GPR137C: variants seen among roughly 807,000 people sequenced by gnomAD.
GPR137C encodes the protein integral membrane protein GPR137C.
Under a neutral mutation model 43.4 loss-of-function variants are expected in GPR137C, and 27 were observed. The ratio of observed to expected loss-of-function variants is 0.62; its 90% CI spans 0.46 to 0.86. The LOEUF (loss-of-function observed/expected upper bound fraction) is 0.86. Among genes scored for constraint, GPR137C ranks in the 40% least tolerant of loss-of-function variants. GPR137C has a pLI of 0.00. For synonymous variants in GPR137C, 285 were observed against 226.9 expected (o/e 1.26, Z -2.30); for missense variants, 522 against 534.6 (o/e 0.98, Z 0.23).
chr14:52,602,197 A>G (rs1452347658), intron 3 of GPR137C, among the ~76,000 whole-genome samples: 2 of 151,852 alleles, frequency 1.3e-5, no homozygotes, highest in Non-Finnish European at 2.9e-5. Flanking sequence ...TATAATCACT[A>G]GACTCATTTT....
intron 1 of GPR137C, among the ~76,000 whole-genome samples, chr14:52,587,439 A>G (rs2038727408): frequency 6.6e-6 from 1 of 152,202 alleles, no homozygotes; most frequent in African/African-American, 2.4e-5. Context: ...GCACAGAGAT[A>G]TAAAATTGAA....
chr14:52,569,787 C>A (rs140558674), intron 1 of GPR137C, among the ~76,000 whole-genome samples: 1,559 of 151,874 alleles, frequency 0.01, 25 homozygotes, highest in African/African-American at 0.036. Context: ...AAATATGGGA[C>A]TATGTGAAAA....
intron 1 of GPR137C, among the ~76,000 whole-genome samples, chr14:52,594,113 G>A (rs2038819383): frequency 6.6e-6 from 1 of 152,180 alleles, no homozygotes; most frequent in African/African-American, 2.4e-5. Flanking sequence ...GGAGCAGGTT[G>A]TTCAATTTCC....
chr14:52,553,764 T>G (rs1343623337), intron 1 of GPR137C, among the ~76,000 whole-genome samples, 173 bp downstream of exon 1: 2 of 152,088 alleles, frequency 1.3e-5, no homozygotes, highest in East Asian at 1.9e-4. Context: ...GCCTTAAACT[T>G]AAGTGGCTGA....
chr14:52,614,592 A>T (rs60095895), intron 3 of GPR137C, among the ~76,000 whole-genome samples: 425 of 152,236 alleles, frequency 2.8e-3, no homozygotes, highest in African/African-American at 9.6e-3. Flanking sequence ...GGCCCAGGTG[A>T]TCCTCCTGCC....
At chr14:52,634,337 C>T (rs1341868493) in intron 6 of GPR137C, among the ~76,000 whole-genome samples, 1 of 152,040 alleles carries the variant, frequency 6.6e-6, no homozygotes, top group African/African-American at 2.4e-5. Context: ...GCTTAATTGC[C>T]ATAGGAAATG....
intron 3 of GPR137C, among the ~76,000 whole-genome samples, chr14:52,616,617 A>C (rs1055229145): frequency 1.6e-4 from 25 of 152,280 alleles, no homozygotes; most frequent in Admixed American, 4.6e-4. Flanking sequence ...CGTCTTCCAC[A>C]TGAAATTATA....
At chr14:52,573,263 A>G (rs1242054402) in intron 1 of GPR137C, among the ~76,000 whole-genome samples, 1 of 152,232 alleles carries the variant, frequency 6.6e-6, no homozygotes, top group Non-Finnish European at 1.5e-5. Flanking sequence ...CCATATAGCC[A>G]AGACAATCCT....
At chr14:52,634,695 T>G (rs2039332470) in intron 6 of GPR137C, among the ~76,000 whole-genome samples, 1 of 152,150 alleles carries the variant, frequency 6.6e-6, no homozygotes, top group Non-Finnish European at 1.5e-5. Flanking sequence ...GACAATCAAG[T>G]TCTACCAGTT....
chr14:52,575,747 G>T (rs1258907670), intron 1 of GPR137C, among the ~76,000 whole-genome samples: 1 of 152,142 alleles, frequency 6.6e-6, no homozygotes. Context: ...TAGGAGTCAG[G>T]ACATCTGGGT....
At chr14:52,618,550 T>G (rs1336212416) in intron 3 of GPR137C, among the ~76,000 whole-genome samples, 1 of 152,194 alleles carries the variant, frequency 6.6e-6, no homozygotes, top group African/African-American at 2.4e-5. Flanking sequence ...TTTTTGTTGC[T>G]GTTTGATTTG....
chr14:52,633,604 A>G lies in GPR137C; in HGVS notation c.942A>G (p.Pro314=), dbSNP rs2039318005. 1.9e-6 allele frequency: 3 copies of G among 1,613,224 alleles called. No individual in the cohort carries two copies. The East Asian group carries it at 6.7e-5, about 36-fold the overall frequency. ...GMVLFLWEHV[P]AWSVVLFFRA... is the part of the protein sequence containing the mutation. The stretch of plus-strand genomic sequence containing the variant: ...TCCTCTTTCTGTGGGAACATGTGCC[A>G]GCATGGTCGGTGGTACTGTTTTTCC... Residue 314 remains proline (P), a synonymous_variant, in exon 5 of 7, where the codon CCA becomes CCG. Transcript: ENST00000321662.
intron 1 of GPR137C, among the ~76,000 whole-genome samples, chr14:52,575,607 G>C (rs550430329): frequency 3.4e-4 from 52 of 152,136 alleles, no homozygotes; most frequent in Non-Finnish European, 6.0e-4. Context: ...GTGACATATA[G>C]GTGGAACATT....
At chr14:52,575,178 A>G (rs2038532130) in intron 1 of GPR137C, among the ~76,000 whole-genome samples, 1 of 152,100 alleles carries the variant, frequency 6.6e-6, no homozygotes, top group African/African-American at 2.4e-5. Flanking sequence ...AAGCTCACAA[A>G]TTTTTCTTCT....
chr14:52,595,428 C>T (rs2038841302), intron 1 of GPR137C, among the ~76,000 whole-genome samples: 1 of 151,100 alleles, frequency 6.6e-6, no homozygotes, highest in Non-Finnish European at 1.5e-5. Context: ...AACTTGGTTC[C>T]ATTCTCCCCA....
chr14:52,634,106 A>G lies in GPR137C; in HGVS notation c.1112+160A>G, dbSNP rs74050995. 8.8e-3 allele frequency among the ~76,000 whole-genome samples: 1,338 copies of G among 152,290 alleles called. 18 individuals carry two copies. The highest frequency in any genetic ancestry group is 0.031 in the African/African-American group (1,275 of 41,560). ...GTTTAAAGCAGTAGATGTTAAACCC[A>G]GGGTGGGACCTGCATTATCAGGAAC... On this transcript the variant is annotated intron_variant, in intron 6 of 6. Coordinates refer to ENST00000321662, the MANE Select transcript of GPR137C (RefSeq NM_001099652.2).
intron 3 of GPR137C, among the ~76,000 whole-genome samples, chr14:52,621,142 A>G (rs1290818106): frequency 6.6e-6 from 1 of 151,904 alleles, no homozygotes; most frequent in East Asian, 1.9e-4. Flanking sequence ...ACTAAAAAGA[A>G]TAAGAAAATC....
At chr14:52,617,013 T>C (rs1348221764) in intron 3 of GPR137C, among the ~76,000 whole-genome samples, 1 of 152,232 alleles carries the variant, frequency 6.6e-6, no homozygotes, top group African/African-American at 2.4e-5. Flanking sequence ...CCAGAAAAGA[T>C]ATTTTGCCCA....
At chr14:52,587,914 G>C (rs2038732868) in intron 1 of GPR137C, among the ~76,000 whole-genome samples, 1 of 152,210 alleles carries the variant, frequency 6.6e-6, no homozygotes, top group Non-Finnish European at 1.5e-5. Context: ...TTCTGGAATA[G>C]TGTGATCAGA....
Sources: gnomAD v4.1 joint callset for allele counts (sites outside exome capture counted in the v4.1 genomes callset) on GRCh38, gnomAD v4.1.1 for gene constraint, MANE v1.5 for transcripts, NCBI Gene and HGNC (gene_info 2026-07-23, HGNC 2026-07-21) for gene names.